The following RIMS1 variants were observed in gnomAD, a reference collection of about 807,000 sequenced individuals.
RIMS1 encodes regulating synaptic membrane exocytosis protein 1.
A neutral mutation model predicts 214.1 loss-of-function variants in RIMS1; 83 were observed. The observed-to-expected ratio is 0.39, with a 90% CI of 0.32 to 0.47. The LOEUF (loss-of-function observed/expected upper bound fraction) is 0.47. Among genes scored for constraint, RIMS1 ranks in the 20% least tolerant of loss-of-function variants. The probability of loss-of-function intolerance (pLI) is 0.99; values close to 1 mark genes in which losing one functional copy is unlikely to be tolerated. For missense variants in RIMS1, 2,050 were observed against 2,161.8 expected (o/e 0.95, Z 1.03); for synonymous variants, 793 against 786.8 (o/e 1.01, Z -0.13).
intron 6 of RIMS1, among the ~76,000 whole-genome samples, chr6:72,219,292 A>G (rs185954614): frequency 5.3e-5 from 8 of 152,290 alleles, no homozygotes; most frequent in Non-Finnish European, 8.8e-5. Flanking sequence ...TTAAATACTT[A>G]TCATCATGCC....
At chr6:71,944,847 C>T (rs1238074901) in intron 1 of RIMS1, among the ~76,000 whole-genome samples, 1 of 152,056 alleles carries the variant, frequency 6.6e-6, no homozygotes, top group Non-Finnish European at 1.5e-5. Context: ...AGAAAAAGCT[C>T]TTTTTTGACA....
chr6:72,210,365 AC>A (rs1305457119), intron 6 of RIMS1, among the ~76,000 whole-genome samples: 4 of 152,226 alleles, frequency 2.6e-5, no homozygotes, highest in African/African-American at 9.6e-5. Context: ...ACTTCTGACC[AC>A]CTTTTCTGGT....
At chr6:72,165,946 T>A (rs181491665) in intron 4 of RIMS1, among the ~76,000 whole-genome samples, 1 of 152,322 alleles carries the variant, frequency 6.6e-6, no homozygotes, top group East Asian at 1.9e-4. Flanking sequence ...TTAAATATGG[T>A]ATATGTCTGC....
At chr6:72,051,119 C>A (rs559309843) in intron 2 of RIMS1, among the ~76,000 whole-genome samples, 3 of 152,198 alleles carry the variant, frequency 2.0e-5, no homozygotes, top group Admixed American at 6.5e-5. Context: ...TCCAAAAGAT[C>A]GTTTCTTTTT....
At chr6:72,181,414 A>T (rs116609003) in intron 5 of RIMS1, among the ~76,000 whole-genome samples, 289 of 152,362 alleles carry the variant, frequency 1.9e-3, no homozygotes, top group Middle Eastern at 0.01. Flanking sequence ...AGAGACAAAA[A>T]TACTGAAGCT....
At position 72,313,652 on chromosome 6, in the gene RIMS1, G is replaced by A. The variant is rs751187471; in HGVS notation, c.4110G>A (p.Glu1370=). 3.7e-6 allele frequency: 6 copies of A among 1,613,024 alleles called. No individual in the cohort carries two copies. The South Asian group carries it at 4.4e-5, about 12-fold the overall frequency. Reference sequence around the variant, plus strand: ...CAAGCTTTATGTCAGAGCAATCTGAGCGCCCCAGGGGTAGAATCAGGTGAG... The same window carrying A: ...CAAGCTTTATGTCAGAGCAATCTGAACGCCCCAGGGGTAGAATCAGGTGAG... ...SSTSFMSEQS[E]RPRGRISSFT... Residue 1370 remains glutamate (E), a synonymous_variant, in exon 28 of 34, where the codon GAG becomes GAA. Coordinates refer to ENST00000521978, the MANE Select transcript of RIMS1 (RefSeq NM_014989.7).
intron 28 of RIMS1, among the ~76,000 whole-genome samples, chr6:72,314,624 T>C (rs1563943496): frequency 1.3e-5 from 2 of 152,282 alleles, no homozygotes; most frequent in African/African-American, 2.4e-5. Context: ...TTACTTTTGG[T>C]GTTCTCAGCA....
intron 4 of RIMS1, 133 bp downstream of exon 4, chr6:72,100,119 G>A (rs962322679): frequency 8.3e-6 from 6 of 720,482 alleles, no homozygotes; most frequent in Middle Eastern, 3.6e-4. Context: ...CTCATTTCCA[G>A]CTCTCATGAA....
chr6:72,085,915 C>A (rs1190554622), intron 2 of RIMS1, among the ~76,000 whole-genome samples: 1 of 152,068 alleles, frequency 6.6e-6, no homozygotes, highest in African/African-American at 2.4e-5. Flanking sequence ...TATCACCAAC[C>A]ATTTTACCAG....
chr6:71,937,540 A>AC (rs1394127644), intron 1 of RIMS1, among the ~76,000 whole-genome samples: 1 of 152,146 alleles, frequency 6.6e-6, no homozygotes, highest in Non-Finnish European at 1.5e-5. Context: ...GTGATGAACC[A>AC]CCACACCTGG....
intron 2 of RIMS1, among the ~76,000 whole-genome samples, chr6:72,057,827 C>T (rs2152218468): frequency 6.6e-6 from 1 of 152,254 alleles, no homozygotes; most frequent in Non-Finnish European, 1.5e-5. Flanking sequence ...ACACTTTTGA[C>T]AAAAATATCC....
chr6:72,102,040 A>G (rs746815733), intron 4 of RIMS1, among the ~76,000 whole-genome samples: 4 of 151,962 alleles, frequency 2.6e-5, no homozygotes, highest in African/African-American at 7.2e-5. Flanking sequence ...GCCTAAATAT[A>G]TAGCAATACT....
intron 1 of RIMS1, among the ~76,000 whole-genome samples, chr6:71,957,968 C>G (rs867515277): frequency 2.6e-5 from 4 of 152,054 alleles, no homozygotes; most frequent in East Asian, 1.9e-4. Flanking sequence ...GCTTGTGAAT[C>G]TAATGCTATG....
At chr6:72,039,898 G>A (rs534030294) in intron 2 of RIMS1, among the ~76,000 whole-genome samples, 4 of 152,090 alleles carry the variant, frequency 2.6e-5, no homozygotes, top group Admixed American at 6.6e-5. Flanking sequence ...TGGTGGGCAG[G>A]CTTAATAAGG....
At chr6:71,962,417 AC>A (rs1243760477) in intron 1 of RIMS1, among the ~76,000 whole-genome samples, 1 of 152,128 alleles carries the variant, frequency 6.6e-6, no homozygotes, top group Non-Finnish European at 1.5e-5. Flanking sequence ...ATAACTAGGA[AC>A]CTACTGCACC....
In RIMS1 at chr6:72,182,322, G is replaced by C. The variant is rs369389847; in HGVS notation, c.851G>C (p.Gly284Ala). ...TPGLSEQNGK[G>A]ALKSERKRVP... ...GGGCTTTCCGAGCAGAATGGCAAAGGAGCCCTGAAGAGCGAGCGGAAACGC... is the reference window on the plus strand; with the variant it reads ...GGGCTTTCCGAGCAGAATGGCAAAGCAGCCCTGAAGAGCGAGCGGAAACGC... The change falls in exon 6 of 34, where the codon GGA becomes GCA. Residue 284 changes from glycine (G) to alanine (A), a missense_variant. Gly to Ala is a moderately conservative substitution (Grantham distance 60). Coordinates refer to ENST00000521978, the MANE Select transcript of RIMS1 (RefSeq NM_014989.7). The C allele has an allele frequency of 3.9e-5, 62 of 1,607,538 alleles. No homozygotes were observed. Among genetic ancestry groups the C allele is most frequent in the Non-Finnish European group, 4.7e-5 (55 of 1,176,692 alleles).
chr6:72,054,609 A>G (rs1038955017), intron 2 of RIMS1, among the ~76,000 whole-genome samples: 1 of 152,042 alleles, frequency 6.6e-6, no homozygotes, highest in Non-Finnish European at 1.5e-5. Flanking sequence ...ACTTTTTAAT[A>G]ATTGCCATTC....
chr6:72,097,973 C>A (rs927418168), intron 3 of RIMS1, among the ~76,000 whole-genome samples: 1 of 152,046 alleles, frequency 6.6e-6, no homozygotes, highest in Non-Finnish European at 1.5e-5. Context: ...ATAGGGAAAT[C>A]TTGATAGATT....
At chr6:72,037,839 C>T (rs764160018) in intron 2 of RIMS1, among the ~76,000 whole-genome samples, 1 of 151,556 alleles carries the variant, frequency 6.6e-6, no homozygotes, top group African/African-American at 2.4e-5. Flanking sequence ...CATCAATTGC[C>T]TCAAATGAAA....
Sources: gnomAD v4.1 joint callset for allele counts (sites outside exome capture counted in the v4.1 genomes callset) on GRCh38, gnomAD v4.1.1 for gene constraint, MANE v1.5 for transcripts, NCBI Gene and HGNC (gene_info 2026-07-23, HGNC 2026-07-21) for gene names.